The following KATNIP variants were observed in gnomAD, a reference collection of about 807,000 sequenced individuals.
KATNIP encodes the protein katanin-interacting protein.
KATNIP carries 126 observed loss-of-function variants against 174.0 expected under a neutral mutation model. The observed-to-expected ratio is 0.72, with a 90% CI of 0.63 to 0.84. The LOEUF is 0.84. Ranked by LOEUF, KATNIP falls within the 40% of genes least tolerant of loss-of-function variation. KATNIP has a pLI of 0.00. For synonymous variants in KATNIP, 810 were observed against 835.7 expected (o/e 0.97, Z 0.53); for missense variants, 1,958 against 2,109.7 (o/e 0.93, Z 1.41).
At chr16:27,692,396 A>G (rs1028193869) in intron 8 of KATNIP, among the ~76,000 whole-genome samples, 1 of 152,194 alleles carries the variant, frequency 6.6e-6, no homozygotes. Flanking sequence ...TCATCCATCC[A>G]TTTAGCAAAA....
intron 14 of KATNIP, among the ~76,000 whole-genome samples, chr16:27,726,005 C>T (rs1449937145): frequency 6.6e-6 from 1 of 152,132 alleles, no homozygotes; most frequent in Non-Finnish European, 1.5e-5. Flanking sequence ...AGGCCACAGA[C>T]CAGTACCAGT....
Position 27,597,717 on chromosome 16 carries a change from G to C in KATNIP, c.64-20708G>C, listed in dbSNP as rs189106021. ...AATGGCTGGGTCTGAGTAGATGAAG[G>C]GTCTGTGGGATTTGGTGTCTTGTCT... On this transcript the variant is annotated intron_variant, in intron 2 of 27. Transcript: ENST00000261588. Among the ~76,000 whole-genome samples, 18 of 152,134 alleles carry C rather than the reference G, an allele frequency of 1.2e-4. No individual in the cohort carries two copies. In the East Asian group the frequency reaches 3.3e-3, roughly 28 times the overall value.
rs148702858 is a variant in KATNIP at position 27,632,475 on chromosome 16, C to T, written c.408+1313C>T. 1.3e-3 allele frequency: 524 copies of T among 395,096 alleles called. 3 individuals carry two copies. Among genetic ancestry groups the T allele is most frequent in the African/African-American group, 0.01 (494 of 48,784 alleles). 24.5% of individuals were successfully genotyped at this position (395,096 alleles called of 1,614,324 possible). ...CTTCATGCCTCTCCATGGATCCCAT[C>T]GTCAAAAAATGGCGGCATTAGCAGG... is the stretch of plus-strand genomic sequence containing the variant. On this transcript the variant is annotated intron_variant, in intron 5 of 27. Transcript: ENST00000261588.
Position 27,648,666 on chromosome 16 carries a change from T to C in KATNIP, c.471T>C (p.Tyr157=). ...PRLHIEPPVD[Y]SDDFELCGDV... Reference sequence around the variant, plus strand: ...TCCACATCGAACCTCCTGTGGACTATTCTGATGATTTTGAGCTGTGTGGGG... The same window carrying C: ...TCCACATCGAACCTCCTGTGGACTACTCTGATGATTTTGAGCTGTGTGGGG... The change falls in exon 6 of 28, where the codon TAT becomes TAC. Residue 157 remains tyrosine, a synonymous_variant. Coordinates refer to ENST00000261588, the MANE Select transcript of KATNIP (RefSeq NM_015202.5). The C allele has an allele frequency of 6.2e-7, 1 of 1,614,204 alleles. No homozygotes were observed. Among genetic ancestry groups the C allele is most frequent in the Non-Finnish European group, 8.5e-7 (1 of 1,180,044 alleles).
intron 1 of KATNIP, among the ~76,000 whole-genome samples, chr16:27,571,842 G>T (rs549426436): frequency 6.6e-6 from 1 of 152,326 alleles, no homozygotes; most frequent in East Asian, 1.9e-4. Context: ...GGGCTCACTC[G>T]GAATCCTTAG....
At chr16:27,550,504 A>G (rs1596677349) in intron 1 of KATNIP, among the ~76,000 whole-genome samples, 1 of 152,022 alleles carries the variant, frequency 6.6e-6, no homozygotes, top group Admixed American at 6.6e-5. Context: ...GAACTGTCGG[A>G]TTTGGGAGTT....
intron 1 of KATNIP, among the ~76,000 whole-genome samples, 199 bp from the exon 2 acceptor site, chr16:27,573,702 G>T (rs2090385559): frequency 6.6e-6 from 1 of 152,164 alleles, no homozygotes. Flanking sequence ...ATGTAAGTGT[G>T]TGAATTACCA....
At chr16:27,686,691 T>C (rs2078537573) in intron 8 of KATNIP, among the ~76,000 whole-genome samples, 1 of 152,162 alleles carries the variant, frequency 6.6e-6, no homozygotes, top group African/African-American at 2.4e-5. Flanking sequence ...TTTGAACTGA[T>C]TGCTTTGTAT....
chr16:27,686,420 G>A (rs1313200087), intron 8 of KATNIP, among the ~76,000 whole-genome samples: 8 of 152,158 alleles, frequency 5.3e-5, no homozygotes, highest in Non-Finnish European at 7.4e-5. Flanking sequence ...CTTTTGGTTA[G>A]TATTTGTATG....
intron 18 of KATNIP, 97 bp downstream of exon 18, chr16:27,754,348 G>A (rs377756241): frequency 2.4e-4 from 241 of 1,024,214 alleles, no homozygotes; most frequent in East Asian, 2.3e-3. Context: ...CTGGACAATC[G>A]GGTGGGTTGG....
At chr16:27,605,932 C>A (rs1178795116) in intron 2 of KATNIP, among the ~76,000 whole-genome samples, 2 of 152,132 alleles carry the variant, frequency 1.3e-5, no homozygotes, top group Admixed American at 1.3e-4. Context: ...GAGTTCGAGA[C>A]TAGCCTGGCC....
At chr16:27,611,109 G>T (rs1179570244) in intron 2 of KATNIP, among the ~76,000 whole-genome samples, 2 of 152,192 alleles carry the variant, frequency 1.3e-5, no homozygotes, top group African/African-American at 4.8e-5. Flanking sequence ...CATCATGGGT[G>T]CACGTCCTCA....
intron 10 of KATNIP, 122 bp downstream of exon 10, chr16:27,699,721 G>T: frequency 2.2e-6 from 3 of 1,339,184 alleles, no homozygotes; most frequent in Non-Finnish European, 3.1e-6. Flanking sequence ...CCTCCAGGGC[G>T]CTTTCCTTCA....
At chr16:27,730,628 C>T (rs2080637898) in intron 14 of KATNIP, among the ~76,000 whole-genome samples, 1 of 152,216 alleles carries the variant, frequency 6.6e-6, no homozygotes, top group African/African-American at 2.4e-5. Flanking sequence ...TGTTACAAAC[C>T]TGCCTTTCAA....
At chr16:27,725,362 G>T (rs1032081298) in intron 14 of KATNIP, among the ~76,000 whole-genome samples, 16 of 152,216 alleles carry the variant, frequency 1.1e-4, no homozygotes, top group Admixed American at 9.2e-4. Context: ...ACTCGGATGG[G>T]AAACAGCTTG....
chr16:27,681,186 G>A (rs778563536), intron 7 of KATNIP: 6 of 581,124 alleles, frequency 1.0e-5, no homozygotes, highest in African/African-American at 5.6e-5. Context: ...AATCTTTTAT[G>A]TACTTACCAA....
chr16:27,646,138 C>G (rs1047446209), intron 5 of KATNIP, among the ~76,000 whole-genome samples: 2 of 152,224 alleles, frequency 1.3e-5, no homozygotes, highest in Admixed American at 1.3e-4. Context: ...CTTTAATCCT[C>G]TTCACACTGG....
At position 27,631,069 on chromosome 16, in the gene KATNIP, T is replaced by C. The variant is rs2076473184; in HGVS notation, c.315T>C (p.Tyr105=). Residue 105 remains tyrosine, a synonymous_variant, in exon 5 of 28, where the codon TAT becomes TAC. Transcript: ENST00000261588. The stretch of plus-strand genomic sequence containing the variant: ...CTTCCCTCGTCTCTGGTGCAGATTA[T>C]GGACGAAGAACTCTGTTTCGAGAAG... ...SASHTEGTHD[Y]GRRTLFREAE... is the part of the protein sequence containing the mutation. The C allele has an allele frequency of 6.4e-7, 1 of 1,566,104 alleles. No homozygotes were observed. Among genetic ancestry groups the C allele is most frequent in the East Asian group, 2.3e-5 (1 of 42,632 alleles).
intron 5 of KATNIP, among the ~76,000 whole-genome samples, chr16:27,642,305 C>G (rs961523282): frequency 1.3e-5 from 2 of 152,022 alleles, no homozygotes; most frequent in African/African-American, 4.8e-5. Context: ...AGCAAACTAT[C>G]GCAAGAACAA....
Sources: gnomAD v4.1 joint callset for allele counts (sites outside exome capture counted in the v4.1 genomes callset) on GRCh38, gnomAD v4.1.1 for gene constraint, MANE v1.5 for transcripts, NCBI Gene and HGNC (gene_info 2026-07-23, HGNC 2026-07-21) for gene names.